The following PKHD1 variants were observed in gnomAD, a reference collection of about 807,000 sequenced individuals.
PKHD1 encodes the protein PKHD1 ciliary IPT domain containing fibrocystin/polyductin.
PKHD1 carries 291 observed loss-of-function variants against 412.0 expected under a neutral mutation model. The ratio of observed to expected loss-of-function variants is 0.71; its 90% CI spans 0.64 to 0.78. The LOEUF (loss-of-function observed/expected upper bound fraction) is 0.78. PKHD1 is among the 30% of genes least tolerant of loss of function. The pLI is 0.00. For synonymous variants in PKHD1, 1,777 were observed against 1,821.5 expected (o/e 0.98, Z 0.62); for missense variants, 4,825 against 4,950.7 (o/e 0.97, Z 0.76).
chr6:51,826,214 C>T (rs999870322), intron 52 of PKHD1, among the ~76,000 whole-genome samples: 16 of 152,202 alleles, frequency 1.1e-4, no homozygotes, highest in Admixed American at 3.9e-4. Context: ...GAACATCACA[C>T]GACTTTGATA....
intron 35 of PKHD1, among the ~76,000 whole-genome samples, chr6:52,000,058 C>G (rs1798167579): frequency 6.6e-6 from 1 of 152,124 alleles, no homozygotes; most frequent in Admixed American, 6.6e-5. Flanking sequence ...AAGAAATGGA[C>G]CTGTGGAAAA....
intron 51 of PKHD1, among the ~76,000 whole-genome samples, chr6:51,834,680 A>AGT: frequency 6.6e-6 from 1 of 152,208 alleles, no homozygotes; most frequent in Non-Finnish European, 1.5e-5. Flanking sequence ...CATACATGAG[A>AGT]ATCAGGCAAT....
intron 37 of PKHD1, among the ~76,000 whole-genome samples, chr6:51,926,265 A>G (rs945715416): frequency 2.6e-5 from 4 of 152,196 alleles, no homozygotes; most frequent in African/African-American, 9.6e-5. Flanking sequence ...AAATGAAGCC[A>G]GCTGAGGGGA....
At chr6:51,696,275 AC>A in intron 60 of PKHD1, among the ~76,000 whole-genome samples, 1 of 152,300 alleles carries the variant, frequency 6.6e-6, no homozygotes. Context: ...TGATGGGCAG[AC>A]ACAAAGTCAG....
intron 60 of PKHD1, among the ~76,000 whole-genome samples, chr6:51,719,879 A>C (rs1582265801): frequency 6.6e-6 from 1 of 152,160 alleles, no homozygotes; most frequent in African/African-American, 2.4e-5. Flanking sequence ...ATTTCCTGAC[A>C]TATATGCCAT....
At chr6:51,857,740 G>T (rs549594753) in intron 48 of PKHD1, among the ~76,000 whole-genome samples, 1 of 152,134 alleles carries the variant, frequency 6.6e-6, no homozygotes, top group Non-Finnish European at 1.5e-5. Context: ...AGGATATTCG[G>T]TCATTTAAAA....
At position 52,030,321 on chromosome 6, in the gene PKHD1, T is replaced by A. The variant is rs535917529; in HGVS notation, c.3365-1970A>T. ...CTTGGATTTTTCATCAATAACATGG[T>A]TAATAAAGCCCATCCCATGTGGTTT... On this transcript the variant is annotated intron_variant, in intron 29 of 66. Transcript: ENST00000371117. Among the ~76,000 whole-genome samples, 10 of 152,230 alleles carry A rather than the reference T, an allele frequency of 6.6e-5. No individual in the cohort carries two copies. In the South Asian group the frequency reaches 2.1e-3, roughly 32 times the overall value.
intron 60 of PKHD1, among the ~76,000 whole-genome samples, chr6:51,693,386 A>C (rs1434320081): frequency 2.0e-5 from 3 of 152,230 alleles, no homozygotes; most frequent in African/African-American, 7.2e-5. Context: ...ATGCCTTATT[A>C]TACAGGCACG....
chr6:51,627,558 A>G (rs947171498), intron 65 of PKHD1, among the ~76,000 whole-genome samples: 1 of 152,056 alleles, frequency 6.6e-6, no homozygotes, highest in African/African-American at 2.4e-5. Flanking sequence ...GTAGGACAGA[A>G]CTGATTAGCT....
rs1266180398 is a variant in PKHD1, at chr6:51,775,887, C to G, written c.8475G>C (p.Lys2825Asn). The stretch of plus-strand genomic sequence containing the variant: ...CTGAGGCTCTAAGGAGAATCAGAAG[C>G]TTTTGTTCCTTTTCTAAGGGATTTT... Reference protein sequence around the residue: ...TLENPLEKEQKLLILLRASEG... With the variant: ...TLENPLEKEQNLLILLRASEG... Residue 2825 changes from lysine (K) to asparagine (N), a missense_variant, in exon 54 of 67, where the codon AAG (lysine) becomes AAC (asparagine). Lys to Asn is a moderately conservative substitution (Grantham distance 94). Transcript: ENST00000371117. The G allele has an allele frequency of 1.3e-6, 2 of 1,591,332 alleles. No individual in the cohort carries two copies. Among genetic ancestry groups the G allele is most frequent in the Non-Finnish European group, 8.6e-7 (1 of 1,160,504 alleles).
chr6:52,014,468 G>A (rs1042879357), intron 34 of PKHD1, among the ~76,000 whole-genome samples: 12 of 152,190 alleles, frequency 7.9e-5, no homozygotes. Flanking sequence ...AACAGAGTAG[G>A]GATGTGATCA....
intron 11 of PKHD1, among the ~76,000 whole-genome samples, chr6:52,067,851 G>C (rs976908269): frequency 1.3e-5 from 2 of 152,140 alleles, no homozygotes; most frequent in African/African-American, 4.8e-5. Flanking sequence ...GCCATAAGAG[G>C]ATGGTGAATA....
intron 52 of PKHD1, among the ~76,000 whole-genome samples, chr6:51,828,332 C>T (rs1380729173): frequency 6.6e-6 from 1 of 151,952 alleles, no homozygotes; most frequent in Non-Finnish European, 1.5e-5. Flanking sequence ...TCTGTAAAAA[C>T]AGGGATAATA....
intron 31 of PKHD1, 135 bp downstream of exon 31, chr6:52,027,694 T>C: frequency 1.4e-6 from 1 of 720,636 alleles, no homozygotes; most frequent in Non-Finnish European, 2.5e-6. Flanking sequence ...CCTCAGTTCC[T>C]GGAGCCCGAG....
intron 55 of PKHD1, among the ~76,000 whole-genome samples, chr6:51,764,820 C>T (rs1788703076): frequency 1.3e-5 from 2 of 152,022 alleles, no homozygotes; most frequent in African/African-American, 4.8e-5. Flanking sequence ...GTTCTCCATT[C>T]TCCCTCCCAA....
At position 52,058,492 on chromosome 6, in the gene PKHD1, C is replaced by T. The variant is rs1808139930; in HGVS notation, c.1343G>A (p.Gly448Asp). 6.2e-7 allele frequency: 1 copy of T among 1,614,064 alleles called. No individual in the cohort carries two copies. Among genetic ancestry groups the T allele is most frequent in the East Asian group, 2.2e-5 (1 of 44,892 alleles). The part of the protein sequence containing the change: ...QQKTPKLELL[G>D]GAMYYLEAEH... The stretch of plus-strand genomic sequence containing the variant: ...TGCTTCCAGGTAGTACATGGCTCCA[C>T]CCAACAGCTCCAACTTGGGAGTCTT... Residue 448 changes from glycine (G) to aspartate (D), a missense_variant, in exon 16 of 67, where the codon GGT becomes GAT. Gly to Asp is a moderately conservative substitution (Grantham distance 94). Transcript: ENST00000371117.
At chr6:51,891,570 T>C (rs1583223246) in intron 43 of PKHD1, among the ~76,000 whole-genome samples, 1 of 152,136 alleles carries the variant, frequency 6.6e-6, no homozygotes, top group South Asian at 2.1e-4. Context: ...TGAGGCACCG[T>C]GCCCAGCCAA....
chr6:51,906,133 A>G, intron 41 of PKHD1, 82 bp downstream of exon 41: 7 of 1,151,838 alleles, frequency 6.1e-6, no homozygotes, highest in Non-Finnish European at 9.1e-6. Flanking sequence ...TAAATTAGGA[A>G]TTAGAAATTT....
intron 52 of PKHD1, among the ~76,000 whole-genome samples, chr6:51,823,816 G>A (rs1219527042): frequency 1.3e-5 from 2 of 152,122 alleles, no homozygotes; most frequent in African/African-American, 4.8e-5. Flanking sequence ...CACAGATCTT[G>A]GTTAGAAAGT....
Sources: allele counts gnomAD v4.1 joint callset (sites outside exome capture counted in the v4.1 genomes callset), GRCh38; gene constraint gnomAD v4.1.1; transcripts MANE v1.5; gene names NCBI Gene and HGNC (gene_info 2026-07-23, HGNC 2026-07-21).